Variants in AUTS2 observed in about 807,000 individuals in gnomAD.
The protein encoded by AUTS2 is activator of transcription and developmental regulator AUTS2.
A neutral mutation model predicts 112.4 loss-of-function variants in AUTS2; 17 were observed. The ratio of observed to expected loss-of-function variants is 0.15; its 90% CI spans 0.10 to 0.23. The LOEUF is 0.23. AUTS2 is among the 10% of genes least tolerant of loss of function. The pLI is 1.00. For missense variants in AUTS2, 1,510 were observed against 1,701.6 expected, an observed-to-expected ratio of 0.89 and a Z score of 1.98; for synonymous variants, 751 against 702.7, an observed-to-expected ratio of 1.07 and a Z score of -1.09.
chr7:70,688,461 C>T (rs749075036), intron 5 of AUTS2, among the ~76,000 whole-genome samples: 3 of 152,258 alleles, frequency 2.0e-5, no homozygotes, highest in South Asian at 4.2e-4. Flanking sequence ...ACAAGCAAGA[C>T]ACAGTCCTTG....
At chr7:70,522,437 T>G (rs1364705684) in intron 5 of AUTS2, among the ~76,000 whole-genome samples, 2 of 152,206 alleles carry the variant, frequency 1.3e-5, no homozygotes, top group Admixed American at 6.5e-5. Flanking sequence ...GGTATTTCTT[T>G]AGCTCTTGCC....
At chr7:70,520,532 G>A (rs1269600376) in intron 5 of AUTS2, among the ~76,000 whole-genome samples, 1 of 152,082 alleles carries the variant, frequency 6.6e-6, no homozygotes, top group African/African-American at 2.4e-5. Flanking sequence ...TAGATATCAC[G>A]TGCATCATGA....
intron 4 of AUTS2, among the ~76,000 whole-genome samples, chr7:70,372,933 A>G (rs1792906063): frequency 6.6e-6 from 1 of 152,078 alleles, no homozygotes; most frequent in Non-Finnish European, 1.5e-5. Flanking sequence ...GTAGCTGTCA[A>G]ATTAGCAGGT....
At chr7:70,046,669 T>C (rs1333113492) in intron 2 of AUTS2, among the ~76,000 whole-genome samples, 1 of 152,208 alleles carries the variant, frequency 6.6e-6, no homozygotes, top group African/African-American at 2.4e-5. Context: ...AAGTAAAACT[T>C]GTAGTAATTG....
chr7:70,496,896 G>T (rs1428123235), intron 5 of AUTS2, among the ~76,000 whole-genome samples: 1 of 90,768 alleles, frequency 1.1e-5, no homozygotes, highest in African/African-American at 4.4e-5. Flanking sequence ...CATCAGCGTC[G>T]ATCACACACC....
At chr7:70,182,108 A>T (rs1809346803) in intron 4 of AUTS2, among the ~76,000 whole-genome samples, 1 of 152,198 alleles carries the variant, frequency 6.6e-6, no homozygotes, top group African/African-American at 2.4e-5. Context: ...AGCTGAGCTA[A>T]CTTTTTAAAC....
chr7:70,235,453 C>G (rs1221603916), intron 4 of AUTS2, among the ~76,000 whole-genome samples: 2 of 152,090 alleles, frequency 1.3e-5, no homozygotes, highest in Non-Finnish European at 2.9e-5. Flanking sequence ...TTGTTTTAAG[C>G]TTATTGTGTG....
intron 6 of AUTS2, among the ~76,000 whole-genome samples, chr7:70,700,475 A>G (rs1809389693): frequency 6.6e-6 from 1 of 152,074 alleles, no homozygotes; most frequent in Admixed American, 6.5e-5. Flanking sequence ...TTTCCCCTTA[A>G]TGCCTTATGC....
intron 6 of AUTS2, among the ~76,000 whole-genome samples, chr7:70,719,757 C>T (rs1305888967): frequency 1.3e-5 from 2 of 152,086 alleles, no homozygotes; most frequent in Non-Finnish European, 2.9e-5. Context: ...CCACCGCACC[C>T]GGCCAAGACA....
intron 4 of AUTS2, among the ~76,000 whole-genome samples, chr7:70,353,273 G>A (rs2129623857): frequency 6.6e-6 from 1 of 152,170 alleles, no homozygotes; most frequent in Middle Eastern, 3.4e-3. Context: ...CCTTATATTT[G>A]TTATATCTCT....
chr7:69,764,453 G>A (rs1027251883), intron 1 of AUTS2, among the ~76,000 whole-genome samples: 2 of 151,768 alleles, frequency 1.3e-5, no homozygotes, highest in Non-Finnish European at 2.9e-5. Context: ...GGTGATGAAT[G>A]GAGAGATGTT....
chr7:69,831,725 A>G (rs1293521363), intron 1 of AUTS2, among the ~76,000 whole-genome samples: 1 of 152,138 alleles, frequency 6.6e-6, no homozygotes, highest in Non-Finnish European at 1.5e-5. Flanking sequence ...ACTAAGTGGC[A>G]AGGAGAAATT....
chr7:70,021,899 G>C (rs1800293487), intron 2 of AUTS2, among the ~76,000 whole-genome samples: 1 of 152,010 alleles, frequency 6.6e-6, no homozygotes, highest in Non-Finnish European at 1.5e-5. Context: ...TGAGATAAAT[G>C]TGTGTAAGTG....
chr7:69,899,218 A>G (rs894232892), intron 1 of AUTS2, 68 bp from the exon 2 acceptor site: 14 of 1,195,194 alleles, frequency 1.2e-5, no homozygotes, highest in African/African-American at 7.5e-5. Context: ...TATTTAGCCT[A>G]TATTTTGGGT....
chr7:69,916,336 G>T (rs894278044), intron 2 of AUTS2, among the ~76,000 whole-genome samples: 1 of 152,194 alleles, frequency 6.6e-6, no homozygotes, highest in Non-Finnish European at 1.5e-5. Flanking sequence ...GCTATGGACA[G>T]ACATAATTTT....
At chr7:70,174,565 C>T (rs1392895511) in intron 4 of AUTS2, among the ~76,000 whole-genome samples, 1 of 152,202 alleles carries the variant, frequency 6.6e-6, no homozygotes, top group Non-Finnish European at 1.5e-5. Context: ...GGAGAAGTCC[C>T]ATGCCTAGCT....
intron 5 of AUTS2, among the ~76,000 whole-genome samples, chr7:70,449,628 C>T (rs934652335): frequency 6.6e-6 from 1 of 152,166 alleles, no homozygotes; most frequent in African/African-American, 2.4e-5. Flanking sequence ...GCCATAGAAG[C>T]TGCCTGGGTC....
At chr7:69,821,147 G>T (rs1474788279) in intron 1 of AUTS2, among the ~76,000 whole-genome samples, 1 of 152,190 alleles carries the variant, frequency 6.6e-6, no homozygotes, top group Non-Finnish European at 1.5e-5. Flanking sequence ...AAAGTGCTGT[G>T]TGTATACTGG....
chr7:69,899,261 C>T, intron 1 of AUTS2, 25 bp from the exon 2 acceptor site: 1 of 1,578,894 alleles, frequency 6.3e-7, no homozygotes, highest in Non-Finnish European at 8.7e-7. Context: ...CCACCACTTC[C>T]CTTTCCTTCT....
Sources: allele counts gnomAD v4.1 joint callset (sites outside exome capture counted in the v4.1 genomes callset), GRCh38; gene constraint gnomAD v4.1.1; transcripts MANE v1.5; gene names NCBI Gene and HGNC (gene_info 2026-07-23, HGNC 2026-07-21).